The following MAN1A1 variants were observed in gnomAD, a reference collection of about 807,000 sequenced individuals.
MAN1A1 encodes the protein mannosidase alpha class 1A member 1.
In MAN1A1, 29 loss-of-function variants were observed where a neutral mutation model predicts 70.8. That is an observed-to-expected ratio of 0.41 (90% confidence interval 0.31 to 0.56). MAN1A1 has a LOEUF of 0.56. Ranked by LOEUF, MAN1A1 falls within the 20% of genes least tolerant of loss-of-function variation. The pLI, the probability that MAN1A1 is intolerant of heterozygous loss-of-function variation, is 0.29. For synonymous variants in MAN1A1, 349 were observed against 330.1 expected (o/e 1.06, Z -0.62); for missense variants, 747 against 841.3 (o/e 0.89, Z 1.39).
intron 6 of MAN1A1, among the ~76,000 whole-genome samples, chr6:119,232,426 C>T (rs1165049106): frequency 6.8e-6 from 1 of 146,664 alleles, no homozygotes; most frequent in Non-Finnish European, 1.5e-5. Context: ...GATCAATATA[C>T]TACAAATAGA....
chr6:119,198,975 C>T (rs994661199), intron 8 of MAN1A1, among the ~76,000 whole-genome samples: 2 of 152,138 alleles, frequency 1.3e-5, no homozygotes, highest in African/African-American at 4.8e-5. Context: ...CGTATTGTTA[C>T]ATTAAAAGCC....
At chr6:119,213,843 TTAAAA>T (rs1433552431) in intron 6 of MAN1A1, among the ~76,000 whole-genome samples, 1 of 152,240 alleles carries the variant, frequency 6.6e-6, no homozygotes, top group African/African-American at 2.4e-5. Context: ...TACTCAAGAG[TTAAAA>T]TATTTTCATG....
At chr6:119,345,428 A>G (rs1773702272) in intron 2 of MAN1A1, among the ~76,000 whole-genome samples, 1 of 152,234 alleles carries the variant, frequency 6.6e-6, no homozygotes, top group South Asian at 2.1e-4. Context: ...GGGTTAATTT[A>G]CAAAATTTTA....
At chr6:119,228,303 G>A (rs3822997) in intron 6 of MAN1A1, among the ~76,000 whole-genome samples, 64,611 of 152,000 alleles carry the variant, frequency 0.43, 14,371 homozygotes, top group East Asian at 0.76. Flanking sequence ...TATTTCATGT[G>A]TTTATAATGA....
intron 5 of MAN1A1, among the ~76,000 whole-genome samples, chr6:119,267,593 A>G (rs1208973286): frequency 1.3e-5 from 2 of 152,214 alleles, no homozygotes; most frequent in African/African-American, 2.4e-5. Flanking sequence ...GTGTAACATT[A>G]TAAGACACAT....
In MAN1A1 at chr6:119,333,961, C is replaced by T. The variant is rs927491470; in HGVS notation, c.603+14502G>A. Among the ~76,000 whole-genome samples the T allele has an allele frequency of 1.9e-4, 29 of 152,218 alleles. No homozygotes were observed. The South Asian group carries it at 4.4e-3, about 23-fold the overall frequency. On this transcript the variant is annotated intron_variant, in intron 2 of 12. Transcript: ENST00000368468. ...ACTCTCAGGTATATTCTAATAGGAC[C>T]GTAGTTAAAGCTTTAAGCAAGAAGC...
chr6:119,257,641 G>T (rs1301614304), intron 5 of MAN1A1, among the ~76,000 whole-genome samples: 1 of 152,136 alleles, frequency 6.6e-6, no homozygotes, highest in Non-Finnish European at 1.5e-5. Context: ...GTAGCGGGCT[G>T]GGAGCAAGGA....
chr6:119,246,777 C>G (rs1472853185), intron 6 of MAN1A1, among the ~76,000 whole-genome samples: 1 of 152,132 alleles, frequency 6.6e-6, no homozygotes, highest in Non-Finnish European at 1.5e-5. Flanking sequence ...GTCAAATACT[C>G]ATGGGCCTCC....
chr6:119,349,623 C>T lies in MAN1A1; in HGVS notation c.-304G>A. On this transcript the variant is annotated 5_prime_UTR_variant, in exon 1 of 13. Coordinates refer to ENST00000368468, the MANE Select transcript of MAN1A1 (RefSeq NM_005907.4). ...CATCTCCGCGCTGAGACTGCTGCCT[C>T]TTTCCTAGGCTGGGCTGAGCGCGCT... 1.0e-6 allele frequency: 1 copy of T among 985,930 alleles called. No homozygotes were observed. Among genetic ancestry groups the T allele is most frequent in the Non-Finnish European group, 1.2e-6 (1 of 829,996 alleles). 61.1% of individuals were successfully genotyped at this position (985,930 alleles called of 1,614,324 possible). A position where few individuals can be genotyped will look rare whatever the true frequency, so the allele number is the denominator to read the frequency against.
chr6:119,331,559 T>C (rs1773311494), intron 2 of MAN1A1, among the ~76,000 whole-genome samples: 2 of 98,266 alleles, frequency 2.0e-5, no homozygotes, highest in Non-Finnish European at 4.3e-5. Flanking sequence ...CATAACCATG[T>C]ACATATTATG....
intron 6 of MAN1A1, among the ~76,000 whole-genome samples, chr6:119,221,810 A>C (rs569006451): frequency 7.2e-5 from 11 of 152,276 alleles, no homozygotes; most frequent in Non-Finnish European, 2.9e-5. Context: ...TATATGAAAA[A>C]GTAACAGCAA....
At chr6:119,309,891 T>C (rs1383947695) in intron 2 of MAN1A1, among the ~76,000 whole-genome samples, 1 of 152,160 alleles carries the variant, frequency 6.6e-6, no homozygotes, top group Non-Finnish European at 1.5e-5. Flanking sequence ...ACTTTCTTCT[T>C]AATTGGCATC....
intron 6 of MAN1A1, among the ~76,000 whole-genome samples, chr6:119,235,974 C>T (rs1774831195): frequency 6.6e-6 from 1 of 151,920 alleles, no homozygotes; most frequent in Admixed American, 6.6e-5. Flanking sequence ...CCCATCTCTA[C>T]TAAAAATACA....
At chr6:119,209,556 G>C (rs980297137) in intron 6 of MAN1A1, among the ~76,000 whole-genome samples, 1 of 152,212 alleles carries the variant, frequency 6.6e-6, no homozygotes, top group Admixed American at 6.5e-5. Flanking sequence ...CAAAAGAGCA[G>C]ATAATCCAAC....
intron 2 of MAN1A1, among the ~76,000 whole-genome samples, chr6:119,344,673 T>C (rs1562250472): frequency 6.6e-6 from 1 of 152,212 alleles, no homozygotes; most frequent in African/African-American, 2.4e-5. Flanking sequence ...AGTGTCAAAA[T>C]AAAAGTGTTT....
At chr6:119,191,355 T>C (rs1773437329) in intron 9 of MAN1A1, among the ~76,000 whole-genome samples, 1 of 152,184 alleles carries the variant, frequency 6.6e-6, no homozygotes, top group Non-Finnish European at 1.5e-5. Flanking sequence ...TACCCTGTTA[T>C]GGATCCTAAA....
intron 6 of MAN1A1, among the ~76,000 whole-genome samples, chr6:119,225,445 G>A (rs1774486772): frequency 6.6e-6 from 1 of 152,064 alleles, no homozygotes. Context: ...AGGAAGAGGA[G>A]GAGGAGAAAG....
chr6:119,191,472 T>C (rs1202731127), intron 9 of MAN1A1, among the ~76,000 whole-genome samples: 1 of 152,112 alleles, frequency 6.6e-6, no homozygotes, highest in Non-Finnish European at 1.5e-5. Flanking sequence ...ATGGGAAATA[T>C]AAATAAATAC....
chr6:119,198,142 A>G lies in MAN1A1; in HGVS notation c.1210+3112T>C, dbSNP rs144524238. ...CGTGGCTCACGCCTGTAATTCCAGC[A>G]CTTTGGGAGGCCAAGGTGGGCGGAT... On this transcript the variant is annotated intron_variant, in intron 8 of 12. Coordinates refer to ENST00000368468, the MANE Select transcript of MAN1A1 (RefSeq NM_005907.4). 2.8e-3 allele frequency among the ~76,000 whole-genome samples: 423 copies of G among 152,372 alleles called. 4 individuals carry two copies. Among genetic ancestry groups the G allele is most frequent in the African/African-American group, 9.4e-3 (390 of 41,586 alleles).
Sources: allele counts gnomAD v4.1 joint callset (sites outside exome capture counted in the v4.1 genomes callset), GRCh38; gene constraint gnomAD v4.1.1; transcripts MANE v1.5; gene names NCBI Gene and HGNC (gene_info 2026-07-23, HGNC 2026-07-21).